SLC44A5: variants seen among roughly 807,000 people sequenced by gnomAD.
The protein encoded by SLC44A5 is choline transporter-like protein 5.
A neutral mutation model predicts 101.8 loss-of-function variants in SLC44A5; 57 were observed. The observed-to-expected ratio is 0.56, with a 90% CI of 0.45 to 0.70. SLC44A5 has a LOEUF of 0.70. Among genes scored for constraint, SLC44A5 ranks in the 30% least tolerant of loss-of-function variants. The pLI, the probability that SLC44A5 is intolerant of heterozygous loss-of-function variation, is 0.00. For missense variants in SLC44A5, 737 were observed against 853.1 expected, an observed-to-expected ratio of 0.86 and a Z score of 1.70; for synonymous variants, 281 against 290.9, an observed-to-expected ratio of 0.97 and a Z score of 0.35.
chr1:75,525,736 A>G (rs865840178), intron 2 of SLC44A5, among the ~76,000 whole-genome samples: 31 of 152,314 alleles, frequency 2.0e-4, no homozygotes, highest in Admixed American at 1.4e-3. Flanking sequence ...TGAATATAAA[A>G]TTGTCTTAGA....
At chr1:75,718,733 G>T in the SLC44A5 span, among the ~76,000 whole-genome samples, 1 of 152,212 alleles carries the variant, frequency 6.6e-6, no homozygotes, top group African/African-American at 2.4e-5. Flanking sequence ...TCTAACCTAA[G>T]AGTTGCTTGG....
the SLC44A5 span, among the ~76,000 whole-genome samples, chr1:75,688,077 TG>T: frequency 1.3e-5 from 2 of 152,212 alleles, no homozygotes; most frequent in East Asian, 3.9e-4. Context: ...AAACCTTGTT[TG>T]CCCTGATGAG....
At chr1:75,299,712 T>A (rs1654266677) in intron 5 of SLC44A5, among the ~76,000 whole-genome samples, 1 of 151,668 alleles carries the variant, frequency 6.6e-6, no homozygotes, top group African/African-American at 2.4e-5. Context: ...GGTAGTTGTT[T>A]AAAAAAAATC....
chr1:75,680,357 T>A, the SLC44A5 span, among the ~76,000 whole-genome samples: 2 of 152,050 alleles, frequency 1.3e-5, no homozygotes, highest in Non-Finnish European at 2.9e-5. Flanking sequence ...ACCACATACT[T>A]GGAAGTAAAG....
chr1:75,388,902 C>T (rs1301790698), intron 3 of SLC44A5, among the ~76,000 whole-genome samples: 1 of 151,934 alleles, frequency 6.6e-6, no homozygotes, highest in South Asian at 2.1e-4. Flanking sequence ...AAGACCCAAC[C>T]TTTCTCTGTC....
chr1:75,378,906 C>T (rs1660790662), intron 3 of SLC44A5, among the ~76,000 whole-genome samples: 1 of 82,366 alleles, frequency 1.2e-5, no homozygotes, highest in South Asian at 3.6e-4. Flanking sequence ...CCCCCAGCAC[C>T]ACAGGGCAGG....
chr1:75,683,336 G>C, the SLC44A5 span, among the ~76,000 whole-genome samples: 4 of 152,136 alleles, frequency 2.6e-5, no homozygotes, highest in South Asian at 6.2e-4. Flanking sequence ...ATTCACAATA[G>C]CAAAGACTTG....
chr1:75,365,511 A>C (rs770954371), intron 3 of SLC44A5, among the ~76,000 whole-genome samples: 1 of 152,300 alleles, frequency 6.6e-6, no homozygotes, highest in East Asian at 1.9e-4. Context: ...CAGAAATGCC[A>C]CTCAACCCAG....
At chr1:75,247,394 A>T (rs1346536681) in intron 7 of SLC44A5, among the ~76,000 whole-genome samples, 1 of 152,114 alleles carries the variant, frequency 6.6e-6, no homozygotes, top group Admixed American at 6.6e-5. Flanking sequence ...GACATGTTAA[A>T]TTTGAGATGC....
chr1:75,207,295 G>T (rs980199542), intron 23 of SLC44A5, among the ~76,000 whole-genome samples: 1 of 152,100 alleles, frequency 6.6e-6, no homozygotes, highest in Non-Finnish European at 1.5e-5. Flanking sequence ...TAACTATAAG[G>T]CACCCTGTCC....
chr1:75,219,883 T>A lies in SLC44A5; in HGVS notation c.1095A>T (p.Gly365=). Residue 365 remains glycine, a synonymous_variant, in exon 15 of 24, where the codon GGA becomes GGT. Coordinates refer to ENST00000370859, the MANE Select transcript of SLC44A5 (RefSeq NM_001130058.2). ...GATAGACTAATGTACTAGGAACATA[T>A]CCAATGGCTCTGAAATAAAACAAAT... The part of the protein sequence containing the change: ...ILLKEGSKAI[G]YVPSTLVYPA... The A allele has an allele frequency of 6.2e-7, 1 of 1,601,498 alleles. No homozygotes were observed. Among genetic ancestry groups the A allele is most frequent in the Non-Finnish European group, 8.5e-7 (1 of 1,171,536 alleles).
intron 3 of SLC44A5, among the ~76,000 whole-genome samples, chr1:75,343,853 G>T (rs1658059824): frequency 6.6e-6 from 1 of 152,028 alleles, no homozygotes; most frequent in South Asian, 2.1e-4. Context: ...TCAAAGAAAG[G>T]GTTCTGTTTT....
At chr1:75,419,852 T>C (rs1386608025) in intron 2 of SLC44A5, among the ~76,000 whole-genome samples, 1 of 152,164 alleles carries the variant, frequency 6.6e-6, no homozygotes, top group East Asian at 1.9e-4. Flanking sequence ...TCTTATACTA[T>C]ACATGGAGTG....
At chr1:75,305,757 A>G (rs541099402) in intron 4 of SLC44A5, among the ~76,000 whole-genome samples, 1 of 152,290 alleles carries the variant, frequency 6.6e-6, no homozygotes, top group African/African-American at 2.4e-5. Flanking sequence ...GTTTCCATTT[A>G]CTCTCAAAAA....
At chr1:75,356,814 A>G (rs764758410) in intron 3 of SLC44A5, among the ~76,000 whole-genome samples, 38 of 152,170 alleles carry the variant, frequency 2.5e-4, no homozygotes, top group Non-Finnish European at 2.1e-4. Flanking sequence ...TTCTATATTT[A>G]GATATGTTTA....
the SLC44A5 span, among the ~76,000 whole-genome samples, chr1:75,682,606 A>T: frequency 6.6e-6 from 1 of 151,922 alleles, no homozygotes; most frequent in Non-Finnish European, 1.5e-5. Context: ...AAATCAATTC[A>T]AGATGGATTA....
At chr1:75,288,544 T>A (rs1301493021) in intron 5 of SLC44A5, among the ~76,000 whole-genome samples, 2 of 152,220 alleles carry the variant, frequency 1.3e-5, no homozygotes, top group Non-Finnish European at 2.9e-5. Context: ...ATATTTAGTA[T>A]AATACTATTT....
intron 2 of SLC44A5, among the ~76,000 whole-genome samples, chr1:75,471,262 G>A (rs1302612507): frequency 1.3e-5 from 2 of 151,986 alleles, no homozygotes; most frequent in South Asian, 2.1e-4. Context: ...TGCCTTGAAG[G>A]GAATCCCCAG....
chr1:75,330,083 G>A (rs969668481), intron 4 of SLC44A5, among the ~76,000 whole-genome samples: 2 of 149,552 alleles, frequency 1.3e-5, no homozygotes, highest in African/African-American at 5.0e-5. Flanking sequence ...AATATTCTGT[G>A]TGGCAAATGA....
Sources: gnomAD v4.1 joint callset for allele counts (sites outside exome capture counted in the v4.1 genomes callset) on GRCh38, gnomAD v4.1.1 for gene constraint, MANE v1.5 for transcripts, NCBI Gene and HGNC (gene_info 2026-07-23, HGNC 2026-07-21) for gene names.